PARL: variants seen among roughly 807,000 people sequenced by gnomAD.
PARL encodes presenilin-associated rhomboid-like protein, mitochondrial.
A neutral mutation model predicts 51.6 loss-of-function variants in PARL; 44 were observed. The ratio of observed to expected loss-of-function variants is 0.85; its 90% CI spans 0.67 to 1.10. The LOEUF (loss-of-function observed/expected upper bound fraction) is 1.10. PARL is among the 50% of genes least tolerant of loss of function. The pLI, the probability that PARL is intolerant of heterozygous loss-of-function variation, is 0.00. For synonymous variants in PARL, 172 were observed against 164.0 expected (o/e 1.05, Z -0.37); for missense variants, 441 against 469.5 (o/e 0.94, Z 0.56).
intron 9 of PARL, among the ~76,000 whole-genome samples, chr3:183,830,581 C>T (rs1175070966): frequency 6.6e-6 from 1 of 152,130 alleles, no homozygotes; most frequent in Non-Finnish European, 1.5e-5. Context: ...TTTATTTTTG[C>T]TCTGGCTTCC....
intron 1 of PARL, among the ~76,000 whole-genome samples, chr3:183,873,173 G>T (rs995992960): frequency 6.6e-6 from 1 of 152,112 alleles, no homozygotes; most frequent in Non-Finnish European, 1.5e-5. Context: ...CAAAACAAAG[G>T]TGTATCATAA....
intron 4 of PARL, 51 bp downstream of exon 4, chr3:183,862,702 G>T (rs755632032): frequency 2.8e-6 from 4 of 1,419,084 alleles, no homozygotes; most frequent in African/African-American, 1.4e-5. Flanking sequence ...TGTACCTTTT[G>T]GTTTGATTTC....
intron 4 of PARL, among the ~76,000 whole-genome samples, chr3:183,856,909 T>G (rs1317633588): frequency 6.6e-6 from 1 of 152,242 alleles, no homozygotes; most frequent in Non-Finnish European, 1.5e-5. Context: ...TCCAGTAACT[T>G]ATCCTAAAAA....
At chr3:183,836,415 G>A (rs1398407847) in intron 7 of PARL, among the ~76,000 whole-genome samples, 3 of 151,964 alleles carry the variant, frequency 2.0e-5, no homozygotes, top group Non-Finnish European at 2.9e-5. Context: ...TTTTCTCGAT[G>A]TGGCTTTTAT....
intron 4 of PARL, chr3:183,861,371 A>C (rs1020938228): frequency 8.5e-6 from 2 of 234,764 alleles, no homozygotes; most frequent in African/African-American, 4.6e-5. Context: ...CACAAAATGA[A>C]AGATGTCATT....
intron 4 of PARL, chr3:183,861,103 A>T: frequency 4.4e-6 from 1 of 227,756 alleles, no homozygotes; most frequent in Non-Finnish European, 7.3e-6. Flanking sequence ...GGCGTAAGCC[A>T]CTGCACCCAG....
At position 183,833,527 on chromosome 3, in the gene PARL, A is replaced by G; in HGVS notation, c.993T>C (p.Asp331=). Residue 331 remains aspartate, a synonymous_variant, in exon 9 of 10, where the codon GAT becomes GAC. Transcript: ENST00000317096. ...GAGCTCCCCCAAGATGTGCCGCATG[A>G]TCAAAAAATTTCCATCCCAGGATCA... ...AGMILGWKFF[D]HAAHLGGALF... The G allele has an allele frequency of 6.2e-7, 1 of 1,613,782 alleles. No homozygotes were observed. The highest frequency in any genetic ancestry group is 8.5e-7 in the Non-Finnish European group (1 of 1,179,638).
chr3:183,869,737 G>A (rs1165327950), intron 1 of PARL, among the ~76,000 whole-genome samples: 1 of 151,960 alleles, frequency 6.6e-6, no homozygotes, highest in African/African-American at 2.4e-5. Context: ...AAGCTATTTG[G>A]TTGAATTTTT....
At chr3:183,864,767 T>C (rs952492616) in intron 3 of PARL, among the ~76,000 whole-genome samples, 1 of 150,266 alleles carries the variant, frequency 6.7e-6, no homozygotes. Context: ...CAAGTGAGAC[T>C]CTGTCTCAAA....
intron 7 of PARL, among the ~76,000 whole-genome samples, chr3:183,839,036 T>C (rs998457425): frequency 1.3e-5 from 2 of 152,182 alleles, no homozygotes; most frequent in East Asian, 1.9e-4. Context: ...TTGAATGAGG[T>C]AGACAATATG....
At chr3:183,858,311 C>A (rs1028355768) in intron 4 of PARL, among the ~76,000 whole-genome samples, 2 of 151,802 alleles carry the variant, frequency 1.3e-5, no homozygotes, top group Non-Finnish European at 2.9e-5. Flanking sequence ...TGAAAAGGTA[C>A]AAGGAGAGAG....
chr3:183,883,031 A>G (rs1734745022), intron 1 of PARL, among the ~76,000 whole-genome samples: 2 of 152,324 alleles, frequency 1.3e-5, no homozygotes, highest in East Asian at 3.9e-4. Context: ...TATATTTTTT[A>G]TGCAACCACG....
chr3:183,882,231 AT>A (rs1734562162), intron 1 of PARL, among the ~76,000 whole-genome samples: 3 of 23,408 alleles, frequency 1.3e-4, no homozygotes, highest in Non-Finnish European at 2.6e-4. Context: ...AAATATATAT[AT>A]ATATATATAT....
chr3:183,848,038 A>C (rs1730156409), intron 4 of PARL, among the ~76,000 whole-genome samples: 1 of 152,176 alleles, frequency 6.6e-6, no homozygotes. Context: ...AACGCACTGG[A>C]CTATGTCAGT....
chr3:183,866,634 G>A lies in PARL; in HGVS notation c.453C>T (p.Phe151=), dbSNP rs758019997. Residue 151 remains phenylalanine, a synonymous_variant, in exon 3 of 10, where the codon TTC becomes TTT. Coordinates refer to ENST00000317096, the MANE Select transcript of PARL (RefSeq NM_018622.7). ...DSIRPQKEGD[F]RKEINKWWNN... is the part of the protein sequence containing the mutation. Reference sequence around the variant, plus strand: ...CAGTGTTTATCTTTACCTCCTTTCTGAAGTCTCCTTCTTTTTGTGGTCTTA... The same window carrying A: ...CAGTGTTTATCTTTACCTCCTTTCTAAAGTCTCCTTCTTTTTGTGGTCTTA... 28 of 1,611,360 alleles carry A rather than the reference G, an allele frequency of 1.7e-5. No individual in the cohort carries two copies. Among genetic ancestry groups the A allele is most frequent in the Non-Finnish European group, 2.2e-5 (26 of 1,179,366 alleles).
At chr3:183,847,420 C>T (rs1395102211) in intron 4 of PARL, among the ~76,000 whole-genome samples, 2 of 152,002 alleles carry the variant, frequency 1.3e-5, no homozygotes, top group African/African-American at 4.8e-5. Flanking sequence ...ACAAAATCAG[C>T]TGGGCATGGT....
rs567158760 is a variant in PARL, at chr3:183,844,269, C to T, written c.569G>A (p.Arg190Gln). 39 of 1,608,956 alleles carry T rather than the reference C, an allele frequency of 2.4e-5. No homozygotes were observed. In the Middle Eastern group the frequency reaches 5.5e-4, roughly 23 times the overall value. The change falls in exon 5 of 10, where the codon CGG becomes CAG. Residue 190 changes from arginine (R) to glutamine (Q), a missense_variant. Coordinates refer to ENST00000317096, the MANE Select transcript of PARL (RefSeq NM_018622.7). The stretch of plus-strand genomic sequence containing the variant: ...CGATGTGAAATATCTGATCATTGTC[C>T]GCTGCAGAGAAGGTACTCTCCATAA... ...FCLWRVPSLQ[R>Q]TMIRYFTSNP...
chr3:183,837,481 G>A (rs947013566), intron 7 of PARL, among the ~76,000 whole-genome samples: 7 of 152,176 alleles, frequency 4.6e-5, no homozygotes, highest in East Asian at 1.9e-4. Flanking sequence ...CGGTGTCAGC[G>A]GAAAGAAGCA....
intron 9 of PARL, 124 bp downstream of exon 9, chr3:183,833,368 G>C (rs1728173957): frequency 1.4e-6 from 1 of 730,862 alleles, no homozygotes; most frequent in Admixed American, 2.0e-5. Context: ...AAGCCCACCT[G>C]CTTCTGCTTC....
Sources: gnomAD v4.1 joint callset for allele counts (sites outside exome capture counted in the v4.1 genomes callset) on GRCh38, gnomAD v4.1.1 for gene constraint, MANE v1.5 for transcripts, NCBI Gene and HGNC (gene_info 2026-07-23, HGNC 2026-07-21) for gene names.